Variants in NCKAP5 observed in about 807,000 individuals in gnomAD.
The protein encoded by NCKAP5 is NCK associated protein 5.
Under a neutral mutation model 167.0 loss-of-function variants are expected in NCKAP5, and 92 were observed. The ratio of observed to expected loss-of-function variants is 0.55; its 90% confidence interval spans 0.47 to 0.66. The LOEUF is 0.66. Among genes scored for constraint, NCKAP5 ranks in the 30% least tolerant of loss-of-function variants. NCKAP5 has a pLI of 0.00. For missense variants in NCKAP5, 2,378 were observed against 2,315.0 expected, an observed-to-expected ratio of 1.03 and a Z score of -0.56; for synonymous variants, 891 against 877.4, an observed-to-expected ratio of 1.02 and a Z score of -0.27.
intron 5 of NCKAP5, among the ~76,000 whole-genome samples, chr2:133,202,453 A>T (rs1256427179): frequency 1.3e-5 from 2 of 152,188 alleles, no homozygotes; most frequent in Non-Finnish European, 2.9e-5. Context: ...AACCTAGGCA[A>T]TACCATTCAG....
At chr2:132,810,532 C>A (rs1685785753) in intron 11 of NCKAP5, among the ~76,000 whole-genome samples, 1 of 152,102 alleles carries the variant, frequency 6.6e-6, no homozygotes, top group African/African-American at 2.4e-5. Flanking sequence ...TCTTTGAGCT[C>A]TGAATTTCTT....
chr2:133,268,649 A>G (rs1028417722), intron 4 of NCKAP5, among the ~76,000 whole-genome samples: 1 of 151,788 alleles, frequency 6.6e-6, no homozygotes, highest in Non-Finnish European at 1.5e-5. Flanking sequence ...CGCCCGGCTA[A>G]TTTTTTGTAT....
chr2:133,616,134 T>C, the NCKAP5 span, among the ~76,000 whole-genome samples: 3 of 151,892 alleles, frequency 2.0e-5, no homozygotes, highest in Non-Finnish European at 2.9e-5. Flanking sequence ...CCAGAATCCC[T>C]GGGACGCATT....
intron 5 of NCKAP5, among the ~76,000 whole-genome samples, chr2:133,209,878 G>T (rs2150156075): frequency 6.6e-6 from 1 of 152,070 alleles, no homozygotes; most frequent in South Asian, 2.1e-4. Flanking sequence ...AAAAATAAAA[G>T]AAATCTCAGC....
chr2:132,858,981 T>C (rs1177002482), intron 11 of NCKAP5, among the ~76,000 whole-genome samples: 1 of 152,150 alleles, frequency 6.6e-6, no homozygotes, highest in Non-Finnish European at 1.5e-5. Context: ...ATGCAACAGC[T>C]TTTAAAAGTA....
chr2:132,824,087 G>A (rs1318749489), intron 11 of NCKAP5, among the ~76,000 whole-genome samples: 2 of 152,096 alleles, frequency 1.3e-5, no homozygotes, highest in Non-Finnish European at 2.9e-5. Flanking sequence ...TCCTCTTGAA[G>A]TTCAGAATAA....
chr2:133,600,381 T>C, the NCKAP5 span, among the ~76,000 whole-genome samples: 2 of 152,122 alleles, frequency 1.3e-5, no homozygotes, highest in South Asian at 4.1e-4. Flanking sequence ...AGAGAGAAGT[T>C]GGCCTCTAGG....
At chr2:133,087,129 T>G (rs1216229412) in intron 6 of NCKAP5, among the ~76,000 whole-genome samples, 1 of 152,168 alleles carries the variant, frequency 6.6e-6, no homozygotes, top group East Asian at 1.9e-4. Context: ...TCTGATTTGG[T>G]TTTCCTTCTG....
chr2:132,873,190 G>A (rs1311692110), intron 9 of NCKAP5, among the ~76,000 whole-genome samples: 4 of 151,504 alleles, frequency 2.6e-5, no homozygotes, highest in Non-Finnish European at 5.9e-5. Context: ...TGCAAGCTCT[G>A]CCTCCCGGGT....
At chr2:133,246,901 C>G (rs771086688) in intron 4 of NCKAP5, among the ~76,000 whole-genome samples, 6 of 152,136 alleles carry the variant, frequency 3.9e-5, no homozygotes, top group Non-Finnish European at 8.8e-5. Flanking sequence ...GTGCTTCAGC[C>G]TTAGGATTAT....
At chr2:133,051,850 T>C (rs759808013) in intron 6 of NCKAP5, among the ~76,000 whole-genome samples, 2 of 152,176 alleles carry the variant, frequency 1.3e-5, no homozygotes, top group Non-Finnish European at 2.9e-5. Flanking sequence ...TAGATGAAAA[T>C]GGTTAAAAGA....
intron 4 of NCKAP5, among the ~76,000 whole-genome samples, chr2:133,291,087 T>C (rs922801686): frequency 2.6e-5 from 4 of 152,208 alleles, no homozygotes; most frequent in Non-Finnish European, 4.4e-5. Flanking sequence ...GTATCCATAA[T>C]GTGCTAAGTC....
chr2:133,147,409 G>A (rs1214354257), intron 5 of NCKAP5, among the ~76,000 whole-genome samples: 1 of 152,138 alleles, frequency 6.6e-6, no homozygotes, highest in Non-Finnish European at 1.5e-5. Context: ...AGGCTACTGT[G>A]AGTGAGCAAA....
intron 3 of NCKAP5, among the ~76,000 whole-genome samples, chr2:133,381,196 G>C (rs982450127): frequency 2.1e-5 from 3 of 145,928 alleles, no homozygotes; most frequent in Non-Finnish European, 4.7e-5. Flanking sequence ...CACTTAGGCT[G>C]CTGCCAGTCC....
At chr2:132,763,699 A>G (rs1172154626) in intron 16 of NCKAP5, among the ~76,000 whole-genome samples, 3 of 152,208 alleles carry the variant, frequency 2.0e-5, no homozygotes, top group East Asian at 1.9e-4. Context: ...ACAAAAGCCA[A>G]TGCTCCCAGT....
At chr2:132,837,901 G>C (rs937959029) in intron 11 of NCKAP5, among the ~76,000 whole-genome samples, 11 of 152,298 alleles carry the variant, frequency 7.2e-5, no homozygotes, top group Middle Eastern at 3.4e-3. Flanking sequence ...CACAGGCTGA[G>C]AGCAGGGTGG....
intron 11 of NCKAP5, among the ~76,000 whole-genome samples, chr2:132,828,968 G>A (rs1558830078): frequency 6.6e-6 from 1 of 152,144 alleles, no homozygotes; most frequent in Admixed American, 6.5e-5. Flanking sequence ...ATATGGTGAT[G>A]TCAGCTCAAC....
intron 19 of NCKAP5, among the ~76,000 whole-genome samples, chr2:132,682,627 T>C (rs949962838): frequency 1.3e-5 from 2 of 152,176 alleles, no homozygotes; most frequent in Non-Finnish European, 2.9e-5. Context: ...TGCTCTTTGG[T>C]CTAATAATGG....
Position 133,130,034 on chromosome 2 carries a change from G to T in NCKAP5, c.285C>A (p.Thr95=), listed in dbSNP as rs754281481. 1 of 1,611,638 alleles carries T rather than the reference G, an allele frequency of 6.2e-7. No individual in the cohort carries two copies. The highest frequency in any genetic ancestry group is 8.5e-7 in the Non-Finnish European group (1 of 1,179,102). The change falls in exon 6 of 20, where the codon ACC becomes ACA. Residue 95 remains threonine, a synonymous_variant. Coordinates refer to ENST00000409261, the MANE Select transcript of NCKAP5 (RefSeq NM_207363.3). Reference sequence around the variant, plus strand: ...GAATTCTGTTGCGTTCAGACTCTAGGGTCACCTCCTGCAACCGCTTCTCGC... The same window carrying T: ...GAATTCTGTTGCGTTCAGACTCTAGTGTCACCTCCTGCAACCGCTTCTCGC... ...LQSEKRLQEV[T]LESERNRIQM...
Sources: gnomAD v4.1 joint callset for allele counts (sites outside exome capture counted in the v4.1 genomes callset) on GRCh38, gnomAD v4.1.1 for gene constraint, MANE v1.5 for transcripts, NCBI Gene and HGNC (gene_info 2026-07-23, HGNC 2026-07-21) for gene names.